CLDN16: variants seen among roughly 807,000 people sequenced by gnomAD.
CLDN16 encodes claudin 16.
Under a neutral mutation model 24.6 loss-of-function variants are expected in CLDN16, and 13 were observed. The observed-to-expected ratio is 0.53, with a 90% confidence interval of 0.34 to 0.84. The LOEUF (loss-of-function observed/expected upper bound fraction) is 0.84, where lower values mean the gene tolerates loss of function less well. Ranked by LOEUF, CLDN16 falls within the 40% of genes least tolerant of loss-of-function variation. The pLI is 0.01. For synonymous variants in CLDN16, 116 were observed against 106.7 expected (o/e 1.09, Z -0.54); for missense variants, 298 against 292.7 (o/e 1.02, Z -0.13).
chr3:190,339,607 G>C (rs557243889), intron 1 of CLDN16, among the ~76,000 whole-genome samples: 1 of 152,166 alleles, frequency 6.6e-6, no homozygotes, highest in Non-Finnish European at 1.5e-5. Context: ...CATACATTAG[G>C]TAAACTTGTA....
chr3:190,387,817 C>T (rs993419898), upstream of CLDN16: 21 of 398,864 alleles, frequency 5.3e-5, no homozygotes, highest in Admixed American at 1.1e-4. Context: ...CTAAAGTAGT[C>T]GGCGAATATT....
At chr3:190,297,559 A>G in the CLDN16 span, among the ~76,000 whole-genome samples, 1 of 140,010 alleles carries the variant, frequency 7.1e-6, no homozygotes, top group Non-Finnish European at 1.5e-5. Flanking sequence ...ATATAGATAT[A>G]TAATATATAG....
upstream of CLDN16, chr3:190,322,231 C>T (rs750093223): frequency 1.2e-6 from 2 of 1,607,654 alleles, no homozygotes; most frequent in South Asian, 2.2e-5. Flanking sequence ...CCCGCGCTGG[C>T]TCAGGGGTGG....
intron 1 of CLDN16, among the ~76,000 whole-genome samples, chr3:190,348,022 T>A (rs1310345760): frequency 2.0e-5 from 3 of 147,746 alleles, no homozygotes; most frequent in Non-Finnish European, 4.4e-5. Context: ...GGCAGGTGGA[T>A]CACGAGGTCA....
chr3:190,326,537 C>T (rs942424756), intron 1 of CLDN16, among the ~76,000 whole-genome samples: 4 of 152,128 alleles, frequency 2.6e-5, no homozygotes, highest in African/African-American at 9.7e-5. Flanking sequence ...AGGACTAATG[C>T]CTGAGGGCTT....
chr3:190,386,955 A>T (rs1445849251), upstream of CLDN16, among the ~76,000 whole-genome samples: 1 of 152,212 alleles, frequency 6.6e-6, no homozygotes, highest in African/African-American at 2.4e-5. Flanking sequence ...TTCAAATGGA[A>T]AAAAGTAATC....
chr3:190,374,046 A>G (rs989107004), intron 2 of CLDN16, among the ~76,000 whole-genome samples: 1 of 151,876 alleles, frequency 6.6e-6, no homozygotes, highest in African/African-American at 2.4e-5. Context: ...CTTCTGAATG[A>G]TAAAAAAAAA....
rs764178771 is a variant in CLDN16 at position 190,409,889 on chromosome 3, T to A, written c.575-14T>A. On this transcript the variant is annotated splice_polypyrimidine_tract_variant and intron_variant, in intron 4 of 4. Transcript: ENST00000264734. ...TCACTGAGTTCTACTTATTTTTATA[T>A]TTCTTTCAAACAGATGTTGGACCTG... The A allele has an allele frequency of 1.2e-6, 2 of 1,613,132 alleles. No homozygotes were observed. Among genetic ancestry groups the A allele is most frequent in the Non-Finnish European group, 1.7e-6 (2 of 1,179,098 alleles).
chr3:190,397,110 C>G (rs897724857), intron 1 of CLDN16, among the ~76,000 whole-genome samples: 5 of 152,226 alleles, frequency 3.3e-5, no homozygotes, highest in African/African-American at 1.2e-4. Context: ...GAAATCTGAA[C>G]TGTTCTGTAA....
At chr3:190,349,512 AT>A (rs1265409045) in intron 1 of CLDN16, among the ~76,000 whole-genome samples, 2 of 152,300 alleles carry the variant, frequency 1.3e-5, no homozygotes, top group East Asian at 3.9e-4. Context: ...ACAGATCCCC[AT>A]TCATGGTATG....
rs147017258 is a variant in CLDN16, at chr3:190,334,046, G to C, written n.121+11385G>C. Among the ~76,000 whole-genome samples, 478 of 152,192 alleles carry C rather than the reference G, an allele frequency of 3.1e-3. No homozygotes were observed. In the South Asian group the frequency reaches 0.032, roughly 10 times the overall value. ...ATATTGCTTAAAGTGGAATCTTGAA[G>C]AACATGAATGAATCATTCATGATTT... is the stretch of plus-strand genomic sequence containing the variant. On this transcript the variant is annotated intron_variant and non_coding_transcript_variant, in intron 1 of 4. Transcript: ENST00000468220.
rs147747408 is a variant in CLDN16 at position 190,376,731 on chromosome 3, A to C, written n.306+2128A>C. ...GTAAGGCATTTCTCTGCCCATAAAG[A>C]ATTCCCATCCTGGTAAGGAGAAGAG... On this transcript the variant is annotated intron_variant and non_coding_transcript_variant, in intron 3 of 4. Transcript: ENST00000468220. 1.4e-3 allele frequency among the ~76,000 whole-genome samples: 206 copies of C among 152,052 alleles called. 1 individual carries two copies. The highest frequency in any genetic ancestry group is 4.6e-3 in the African/African-American group (193 of 41,548).
chr3:190,332,310 T>C (rs903033281), intron 1 of CLDN16, among the ~76,000 whole-genome samples: 1 of 152,202 alleles, frequency 6.6e-6, no homozygotes, highest in Non-Finnish European at 1.5e-5. Flanking sequence ...AAAGTTCTGA[T>C]TATATGTAAT....
rs144105475 is a variant in CLDN16, at chr3:190,402,387, T to C, written c.165T>C (p.Phe55=). Residue 55 remains phenylalanine (F), a synonymous_variant, in exon 2 of 5, where the codon TTT becomes TTC. Transcript: ENST00000264734. Reference sequence around the variant, plus strand: ...GGTGGGAATGCGTCACAAATGCTTTTGATGGGATTCGCACCTGTGATGAGT... The same window carrying C: ...GGTGGGAATGCGTCACAAATGCTTTCGATGGGATTCGCACCTGTGATGAGT... ...GLWWECVTNA[F]DGIRTCDEYD... 1.1e-3 allele frequency: 1,731 copies of C among 1,614,076 alleles called. 18 individuals carry two copies. The highest frequency in any genetic ancestry group is 2.4e-4 in the Non-Finnish European group (288 of 1,180,016).
At chr3:190,395,943 C>A (rs899305208) in intron 1 of CLDN16, among the ~76,000 whole-genome samples, 43 of 151,976 alleles carry the variant, frequency 2.8e-4, no homozygotes, top group African/African-American at 1.0e-3. Flanking sequence ...TCCTATGTTA[C>A]TAGAGAAGAG....
At chr3:190,389,940 A>G (rs1718607859) in intron 1 of CLDN16, among the ~76,000 whole-genome samples, 1 of 152,210 alleles carries the variant, frequency 6.6e-6, no homozygotes, top group Non-Finnish European at 1.5e-5. Context: ...CTTTCTGCTT[A>G]AGCTGACATA....
chr3:190,352,343 T>G (rs1288843939), intron 1 of CLDN16, among the ~76,000 whole-genome samples: 1 of 152,132 alleles, frequency 6.6e-6, no homozygotes, highest in Non-Finnish European at 1.5e-5. Context: ...TGTATTTAAT[T>G]ATATTGGAAT....
chr3:190,378,234 A>G (rs1215779175), intron 3 of CLDN16, among the ~76,000 whole-genome samples: 1 of 152,018 alleles, frequency 6.6e-6, no homozygotes, highest in Non-Finnish European at 1.5e-5. Context: ...CTCACAATGC[A>G]CTTACAAGAA....
chr3:190,364,562 C>A (rs1429324809), intron 1 of CLDN16, among the ~76,000 whole-genome samples: 1 of 151,890 alleles, frequency 6.6e-6, no homozygotes, highest in Non-Finnish European at 1.5e-5. Context: ...TACTTCTCTG[C>A]TGCCGATGGT....
Sources: gnomAD v4.1 joint callset for allele counts (sites outside exome capture counted in the v4.1 genomes callset) on GRCh38, gnomAD v4.1.1 for gene constraint, MANE v1.5 for transcripts, NCBI Gene and HGNC (gene_info 2026-07-23, HGNC 2026-07-21) for gene names.